Variants in LSP1 observed in about 807,000 individuals in gnomAD.
LSP1 encodes lymphocyte specific protein 1, also known as lymphocyte-specific protein 1.
Under a neutral mutation model 49.3 loss-of-function variants are expected in LSP1, and 32 were observed. The ratio of observed to expected loss-of-function variants is 0.65; its 90% CI spans 0.49 to 0.87. LSP1 has a LOEUF of 0.87. Among genes scored for constraint, LSP1 ranks in the 40% least tolerant of loss-of-function variants. The pLI is 0.00. For synonymous variants in LSP1, 179 were observed against 178.8 expected (o/e 1.00, Z -0.01); for missense variants, 428 against 442.6 (o/e 0.97, Z 0.30).
intron 2 of LSP1, 103 bp from the exon 3 acceptor site, chr11:1,881,329 C>T (rs1199608860): frequency 2.6e-6 from 3 of 1,175,448 alleles, no homozygotes; most frequent in East Asian, 2.7e-5. Flanking sequence ...GGGTCTCCCA[C>T]ACTTGGAGTC....
chr11:1,874,320 CGGGGACAGTGGGGGCAGGCT>C (rs1397039041), intron 1 of LSP1, among the ~76,000 whole-genome samples: 3 of 10,588 alleles, frequency 2.8e-4, no homozygotes, highest in Admixed American at 1.2e-3. Context: ...GAGGGCAGGC[CGGGGACAGTGGGGGCAGGCT>C]GGGGACAGTG....
intron 1 of LSP1, among the ~76,000 whole-genome samples, chr11:1,862,765 G>A (rs79747509): frequency 1.0e-4 from 15 of 149,372 alleles, no homozygotes; most frequent in Admixed American, 2.7e-4. Context: ...AGGTAATCTC[G>A]CCTCCCCTGG....
rs1849024046 is a variant in LSP1, at chr11:1,892,085, G to A, written c.*326G>A. On this transcript the variant is annotated 3_prime_UTR_variant, in exon 11 of 11. Transcript: ENST00000311604. ...CCTGGAGAGGCCAAGTGCCTTCTAG[G>A]AAGTTAGGAGGTTGAGGCACAGCCT... 6.6e-6 allele frequency: 1 copy of A among 152,256 alleles called. No individual in the cohort carries two copies. Among genetic ancestry groups the A allele is most frequent in the South Asian group, 2.1e-4 (1 of 4,822 alleles). 9.4% of individuals were successfully genotyped at this position (152,256 alleles called of 1,614,324 possible).
chr11:1,878,761 C>T (rs1406908793), intron 1 of LSP1, among the ~76,000 whole-genome samples: 1 of 152,164 alleles, frequency 6.6e-6, no homozygotes, highest in African/African-American at 2.4e-5. Context: ...CTGTTCTGGC[C>T]TGGGCTCCCT....
At position 1,887,554 on chromosome 11, in the gene LSP1, G is replaced by A. The variant is rs368415523; in HGVS notation, c.1011G>A (p.Pro337=). Reference sequence around the variant, plus strand: ...AGAAGGTGCTTGTGGAAGGGGGCCCGGCTCCCTAGGCGTCCCATCTCGGTG... The same window carrying A: ...AGAAGGTGCTTGTGGAAGGGGGCCCAGCTCCCTAGGCGTCCCATCTCGGTG... ...KYEKVLVEGG[P]AP The change falls in exon 10 of 11, where the codon CCG becomes CCA. Residue 337 remains proline, a synonymous_variant. Coordinates refer to ENST00000311604, the MANE Select transcript of LSP1 (RefSeq NM_002339.3). 1.9e-5 allele frequency: 30 copies of A among 1,613,804 alleles called. No individual in the cohort carries two copies. Among genetic ancestry groups the A allele is most frequent in the South Asian group, 3.3e-5 (3 of 91,070 alleles).
At chr11:1,858,274 G>A (rs1847538430) in intron 1 of LSP1, among the ~76,000 whole-genome samples, 1 of 152,196 alleles carries the variant, frequency 6.6e-6, no homozygotes, top group Non-Finnish European at 1.5e-5. Flanking sequence ...AGGGAGCTGG[G>A]CTGGGCTGCC....
intron 4 of LSP1, 30 bp downstream of exon 4, chr11:1,883,590 G>A (rs1266657041): frequency 3.2e-6 from 5 of 1,582,246 alleles, no homozygotes; most frequent in South Asian, 2.3e-5. Flanking sequence ...GGGTCTGGGT[G>A]TACCCCCACC....
At chr11:1,869,878 A>T (rs1847926113) in intron 1 of LSP1, 2 of 447,588 alleles carry the variant, frequency 4.5e-6, no homozygotes, top group East Asian at 7.1e-5. Context: ...AGGACCCTCC[A>T]CTCACATTCA....
chr11:1,865,153 C>T, intron 1 of LSP1: 1 of 981,874 alleles, frequency 1.0e-6, no homozygotes, highest in Non-Finnish European at 1.2e-6. Context: ...GCTGCTCTAT[C>T]CCCGGGGCTG....
intron 4 of LSP1, 68 bp from the exon 5 acceptor site, chr11:1,883,864 A>G: frequency 1.4e-6 from 2 of 1,395,306 alleles, no homozygotes; most frequent in South Asian, 2.5e-5. Context: ...TTGTTCCCAC[A>G]GGTGCTGGGC....
intron 3 of LSP1, among the ~76,000 whole-genome samples, chr11:1,882,414 G>A (rs1427767277): frequency 6.6e-6 from 1 of 152,164 alleles, no homozygotes. Context: ...CAGTGTTGCT[G>A]AGCGACGCTC....
At chr11:1,883,594 C>T (rs754334938) in intron 4 of LSP1, 34 bp downstream of exon 4, 2 of 1,576,716 alleles carry the variant, frequency 1.3e-6, no homozygotes, top group African/African-American at 1.3e-5. Flanking sequence ...CTGGGTGTAC[C>T]CCCACCCCAG....
chr11:1,853,567 G>A (rs1048174323), intron 1 of LSP1, among the ~76,000 whole-genome samples: 1 of 152,202 alleles, frequency 6.6e-6, no homozygotes, highest in Non-Finnish European at 1.5e-5. Context: ...GAGGCAAGGT[G>A]GGGGCTGGGG....
At chr11:1,869,199 AGGTATT>A (rs1348072048) in intron 1 of LSP1, 2 of 206,398 alleles carry the variant, frequency 9.7e-6, no homozygotes, top group Non-Finnish European at 1.9e-5. Flanking sequence ...CGGGTTGGGG[AGGTATT>A]GGTGCGAGCT....
At chr11:1,858,213 G>A (rs1847537054) in intron 1 of LSP1, among the ~76,000 whole-genome samples, 1 of 152,204 alleles carries the variant, frequency 6.6e-6, no homozygotes, top group Admixed American at 6.5e-5. Flanking sequence ...CTGAGTCCTT[G>A]CCCCTGTGGG....
intron 2 of LSP1, chr11:1,880,742 CA>C (rs1016760296): frequency 6.5e-6 from 1 of 153,296 alleles, no homozygotes; most frequent in Non-Finnish European, 1.5e-5. Flanking sequence ...GGCCCTTGGC[CA>C]CCCCCACCAA....
At chr11:1,888,374 C>G (rs1181994493) in intron 10 of LSP1, among the ~76,000 whole-genome samples, 1 of 152,214 alleles carries the variant, frequency 6.6e-6, no homozygotes, top group Non-Finnish European at 1.5e-5. Flanking sequence ...GGACTGAGGG[C>G]TCCCTCCTCA....
intron 1 of LSP1, chr11:1,869,095 G>C (rs1301626896): frequency 3.8e-6 from 3 of 786,334 alleles, no homozygotes; most frequent in African/African-American, 1.9e-5. Context: ...ATGGGGCGGG[G>C]ACCATTAGGG....
intron 1 of LSP1, among the ~76,000 whole-genome samples, chr11:1,877,395 T>A (rs1848356802): frequency 6.6e-6 from 1 of 152,080 alleles, no homozygotes; most frequent in Non-Finnish European, 1.5e-5. Flanking sequence ...AGCACTGGGT[T>A]TTAGGGGAGA....
Sources: allele counts gnomAD v4.1 joint callset (sites outside exome capture counted in the v4.1 genomes callset), GRCh38; gene constraint gnomAD v4.1.1; transcripts MANE v1.5; gene names NCBI Gene and HGNC (gene_info 2026-07-23, HGNC 2026-07-21).